AGBL1: variants seen among roughly 807,000 people sequenced by gnomAD.
AGBL1 encodes AGBL carboxypeptidase 1.
A neutral mutation model predicts 118.9 loss-of-function variants in AGBL1; 130 were observed. That is an observed-to-expected ratio of 1.09 (90% confidence interval 0.95 to 1.26). The LOEUF (loss-of-function observed/expected upper bound fraction) is 1.26, where lower values mean the gene tolerates loss of function less well. Among genes scored for constraint, AGBL1 ranks in the 50% most tolerant of loss-of-function variants. AGBL1 has a pLI of 0.00. For missense variants in AGBL1, 1,584 were observed against 1,298.1 expected (o/e 1.22, Z -3.38); for synonymous variants, 555 against 478.9 (o/e 1.16, Z -2.08).
chr15:86,432,660 T>C (rs2081948620), intron 18 of AGBL1, among the ~76,000 whole-genome samples: 1 of 152,184 alleles, frequency 6.6e-6, no homozygotes, highest in South Asian at 2.1e-4. Flanking sequence ...CCAACCTTTT[T>C]CACTTAAATA....
intron 18 of AGBL1, among the ~76,000 whole-genome samples, chr15:86,429,886 T>C (rs1198909860): frequency 2.0e-5 from 3 of 152,220 alleles, no homozygotes; most frequent in Non-Finnish European, 2.9e-5. Context: ...TGATATTCTT[T>C]ACCCTTGTCC....
chr15:86,318,120 A>G (rs892910525), intron 17 of AGBL1, among the ~76,000 whole-genome samples: 1 of 152,230 alleles, frequency 6.6e-6, no homozygotes, highest in Admixed American at 6.5e-5. Context: ...TTATGTCCTA[A>G]TTAGCTGGAC....
intron 17 of AGBL1, among the ~76,000 whole-genome samples, chr15:86,329,682 C>T (rs1352678925): frequency 6.6e-6 from 1 of 152,052 alleles, no homozygotes; most frequent in East Asian, 1.9e-4. Flanking sequence ...GATCTCCAGG[C>T]ACCCAAAGCA....
At chr15:86,339,881 A>T (rs551148918) in intron 17 of AGBL1, among the ~76,000 whole-genome samples, 1 of 151,870 alleles carries the variant, frequency 6.6e-6, no homozygotes, top group Non-Finnish European at 1.5e-5. Context: ...CAGGAGAATC[A>T]CTTGAACCTG....
intron 24 of AGBL1, among the ~76,000 whole-genome samples, chr15:86,994,589 T>C (rs911594931): frequency 1.3e-5 from 2 of 152,290 alleles, no homozygotes; most frequent in Admixed American, 6.5e-5. Context: ...GAAAAAATGA[T>C]ACATTTATTT....
chr15:86,848,942 C>T (rs939262566), intron 22 of AGBL1, among the ~76,000 whole-genome samples: 1 of 152,112 alleles, frequency 6.6e-6, no homozygotes, highest in Non-Finnish European at 1.5e-5. Flanking sequence ...ATCTTGGCAA[C>T]CCTACTGATG....
chr15:86,253,419 T>A (rs1204099471), intron 7 of AGBL1, among the ~76,000 whole-genome samples: 1 of 151,986 alleles, frequency 6.6e-6, no homozygotes, highest in East Asian at 1.9e-4. Context: ...CCTGGCTAAT[T>A]TTTGTATTTT....
chr15:86,259,024 C>T (rs1297344927), intron 9 of AGBL1, among the ~76,000 whole-genome samples: 1 of 152,148 alleles, frequency 6.6e-6, no homozygotes, highest in African/African-American at 2.4e-5. Context: ...TCTTTGTTTA[C>T]AAAAATAAGC....
chr15:86,129,805 C>G (rs1047111224), intron 1 of AGBL1, among the ~76,000 whole-genome samples: 7 of 152,050 alleles, frequency 4.6e-5, no homozygotes, highest in African/African-American at 1.7e-4. Flanking sequence ...TGAAGTAACT[C>G]GTTGATAGAT....
intron 24 of AGBL1, among the ~76,000 whole-genome samples, chr15:87,015,344 C>A (rs2081598820): frequency 6.6e-6 from 1 of 152,100 alleles, no homozygotes; most frequent in African/African-American, 2.4e-5. Flanking sequence ...AATCCCTTAT[C>A]TTTCTGCCTG....
chr15:86,554,719 C>T (rs1436552336), intron 21 of AGBL1, among the ~76,000 whole-genome samples, 182 bp downstream of exon 21: 1 of 152,180 alleles, frequency 6.6e-6, no homozygotes, highest in African/African-American at 2.4e-5. Context: ...CTATCTTGAT[C>T]CTGGAAGCAA....
chr15:86,903,645 C>A (rs1053208105), intron 22 of AGBL1, among the ~76,000 whole-genome samples: 3 of 152,134 alleles, frequency 2.0e-5, no homozygotes, highest in Non-Finnish European at 4.4e-5. Flanking sequence ...TTCTCTGACA[C>A]CATTCACACA....
At chr15:86,637,455 T>C (rs1029020978) in intron 21 of AGBL1, among the ~76,000 whole-genome samples, 3 of 152,068 alleles carry the variant, frequency 2.0e-5, no homozygotes, top group African/African-American at 7.2e-5. Flanking sequence ...GGCCGGGTTA[T>C]AGTGAGTGAG....
chr15:86,146,337 G>A (rs2077033457), intron 3 of AGBL1, among the ~76,000 whole-genome samples: 1 of 152,142 alleles, frequency 6.6e-6, no homozygotes, highest in Non-Finnish European at 1.5e-5. Context: ...ATTAGATTAA[G>A]TATTATAGTA....
chr15:86,876,662 G>C (rs985880192), intron 22 of AGBL1, among the ~76,000 whole-genome samples: 67 of 152,292 alleles, frequency 4.4e-4, no homozygotes, highest in African/African-American at 1.6e-3. Flanking sequence ...GCTCTGTCTT[G>C]CTATCATTCA....
intron 17 of AGBL1, among the ~76,000 whole-genome samples, chr15:86,373,128 C>T (rs1215305829): frequency 1.3e-5 from 2 of 152,200 alleles, no homozygotes; most frequent in South Asian, 2.1e-4. Flanking sequence ...ATTACCTTTA[C>T]AAATATACCT....
intron 17 of AGBL1, among the ~76,000 whole-genome samples, chr15:86,377,306 A>G (rs2081054272): frequency 2.0e-5 from 3 of 152,222 alleles, no homozygotes; most frequent in African/African-American, 7.2e-5. Flanking sequence ...CTCACATGGC[A>G]TGTCTCAGTC....
At chr15:86,525,457 G>A (rs2083250385) in intron 19 of AGBL1, among the ~76,000 whole-genome samples, 1 of 151,950 alleles carries the variant, frequency 6.6e-6, no homozygotes, top group Non-Finnish European at 1.5e-5. Flanking sequence ...ATAATCTGAA[G>A]GCATCACATT....
At chr15:86,985,040 G>A (rs1055952724) in intron 23 of AGBL1, among the ~76,000 whole-genome samples, 7 of 152,178 alleles carry the variant, frequency 4.6e-5, no homozygotes, top group Admixed American at 4.6e-4. Context: ...CATTCATGGA[G>A]ATCCATCTAT....
Sources: allele counts gnomAD v4.1 joint callset (sites outside exome capture counted in the v4.1 genomes callset), GRCh38; gene constraint gnomAD v4.1.1; transcripts MANE v1.5; gene names NCBI Gene and HGNC (gene_info 2026-07-23, HGNC 2026-07-21).